MED21: variants seen among roughly 807,000 people sequenced by gnomAD.
MED21 encodes mediator complex subunit 21, also known as mediator of RNA polymerase II transcription subunit 21.
A neutral mutation model predicts 18.2 loss-of-function variants in MED21; 9 were observed. The observed-to-expected ratio is 0.49, with a 90% CI of 0.30 to 0.86. The LOEUF (loss-of-function observed/expected upper bound fraction) is 0.86, where lower values mean the gene tolerates loss of function less well. Ranked by LOEUF, MED21 falls within the 40% of genes least tolerant of loss-of-function variation. The pLI, the probability that MED21 is intolerant of heterozygous loss-of-function variation, is 0.07. For synonymous variants in MED21, 73 were observed against 60.5 expected, an observed-to-expected ratio of 1.21 and a Z score of -0.96; for missense variants, 150 against 170.9, an observed-to-expected ratio of 0.88 and a Z score of 0.68.
chr12:27,024,514 G>C (rs1313254486), intron 1 of MED21, among the ~76,000 whole-genome samples: 2 of 152,154 alleles, frequency 1.3e-5, no homozygotes, highest in African/African-American at 2.4e-5. Context: ...CCTTCCTCAG[G>C]GAACTACTCC....
chr12:27,030,264 G>T lies in MED21; in HGVS notation c.*1803G>T. 2 of 571,094 alleles carry T rather than the reference G, an allele frequency of 3.5e-6. No individual in the cohort carries two copies. Among genetic ancestry groups the T allele is most frequent in the Non-Finnish European group, 6.3e-6 (2 of 315,552 alleles). The allele number at this position is 571,094 out of a possible 1,614,324, so 35.4% of individuals were successfully genotyped here. Reference sequence around the variant, plus strand: ...CCCACTTCAGCCTCTTCAGTAACTGGGACTACAGGCATGTACTACCACGTC... The same window carrying T: ...CCCACTTCAGCCTCTTCAGTAACTGTGACTACAGGCATGTACTACCACGTC... On this transcript the variant is annotated 3_prime_UTR_variant, in exon 4 of 4. Coordinates refer to ENST00000282892, the MANE Select transcript of MED21 (RefSeq NM_004264.5).
At chr12:27,036,574 C>CT (rs1164210180) in intron 2 of MED21, among the ~76,000 whole-genome samples, 1 of 152,082 alleles carries the variant, frequency 6.6e-6, no homozygotes, top group Non-Finnish European at 1.5e-5. Context: ...GGTTTTAGGT[C>CT]TAACGTTTAA....
At chr12:27,026,293 C>A in intron 1 of MED21, 127 bp from the exon 2 acceptor site, 1 of 560,050 alleles carries the variant, frequency 1.8e-6, no homozygotes, top group South Asian at 2.8e-5. Context: ...TCAACAATCA[C>A]TCCTTTCTGT....
rs187423088 is a variant in MED21 at position 27,029,648 on chromosome 12, G to A, written c.*1187G>A. On this transcript the variant is annotated 3_prime_UTR_variant, in exon 4 of 4. Coordinates refer to ENST00000282892, the MANE Select transcript of MED21 (RefSeq NM_004264.5). ...TGTTTCAAATTTCAGGAACACCAGC[G>A]TTAGCTGTAAAAGTTGCAGCAATTT... The A allele has an allele frequency of 5.0e-5, 49 of 985,388 alleles. No homozygotes were observed. In the African/African-American group the frequency reaches 5.9e-4, roughly 12 times the overall value. 61.0% of individuals were successfully genotyped at this position (985,388 alleles called of 1,614,324 possible). A position where few individuals can be genotyped will look rare whatever the true frequency, so the allele number is the denominator to read the frequency against.
At chr12:27,031,839 C>G (rs1941621461), downstream of MED21, among the ~76,000 whole-genome samples, 1 of 152,118 alleles carries the variant, frequency 6.6e-6, no homozygotes, top group South Asian at 2.1e-4. Flanking sequence ...AACCACATCA[C>G]CCTAAAGCCC....
At chr12:27,026,653 T>G in intron 2 of MED21, 119 bp downstream of exon 2, 1 of 767,842 alleles carries the variant, frequency 1.3e-6, no homozygotes, top group Non-Finnish European at 2.1e-6. Flanking sequence ...TGTTTGAGAA[T>G]ATTACAAGTT....
intron 1 of MED21, among the ~76,000 whole-genome samples, chr12:27,023,300 CTT>C (rs71437317): frequency 5.4e-5 from 6 of 110,394 alleles, no homozygotes; most frequent in East Asian, 5.5e-4. Flanking sequence ...TTTTTCTTTT[CTT>C]TTTTTTTTTT....
In MED21 at chr12:27,030,273, G is replaced by T; in HGVS notation, c.*1812G>T. 1 of 548,582 alleles carries T rather than the reference G, an allele frequency of 1.8e-6. No homozygotes were observed. The highest frequency in any genetic ancestry group is 3.3e-6 in the Non-Finnish European group (1 of 304,214). The allele number at this position is 548,582 out of a possible 1,614,324, so 34.0% of individuals were successfully genotyped here. A position where few individuals can be genotyped will look rare whatever the true frequency, so the allele number is the denominator to read the frequency against. On this transcript the variant is annotated 3_prime_UTR_variant, in exon 4 of 4. Coordinates refer to ENST00000282892, the MANE Select transcript of MED21 (RefSeq NM_004264.5). The stretch of plus-strand genomic sequence containing the variant: ...GCCTCTTCAGTAACTGGGACTACAG[G>T]CATGTACTACCACGTCCAGCTAATT...
At chr12:27,035,436 TTTC>T, downstream of MED21, among the ~76,000 whole-genome samples, 1 of 151,894 alleles carries the variant, frequency 6.6e-6, no homozygotes, top group Admixed American at 6.5e-5. Context: ...TGATTTGTTA[TTTC>T]TTTTTTTTTT....
chr12:27,028,749 G>A lies in MED21; in HGVS notation c.*288G>A, dbSNP rs768030401. 3.8e-6 allele frequency: 4 copies of A among 1,048,438 alleles called. No individual in the cohort carries two copies. Among genetic ancestry groups the A allele is most frequent in the Non-Finnish European group, 4.6e-6 (4 of 867,784 alleles). The allele number at this position is 1,048,438 out of a possible 1,614,324, so 64.9% of individuals were successfully genotyped here. On this transcript the variant is annotated 3_prime_UTR_variant, in exon 4 of 4. Transcript: ENST00000282892. ...TATAAGGAAACATATGTAAAATTCT[G>A]TTATGACATAATTTATGTCTCCATT...
In MED21 at chr12:27,029,857, CAAAGAGA is replaced by C. The variant is rs1941595419; in HGVS notation, c.*1401_*1407del. The C allele has an allele frequency of 2.0e-6, 2 of 1,006,032 alleles. No individual in the cohort carries two copies. Among genetic ancestry groups the C allele is most frequent in the Non-Finnish European group, 2.4e-6 (2 of 836,252 alleles). The allele number at this position is 1,006,032 out of a possible 1,614,324, so 62.3% of individuals were successfully genotyped here. On this transcript the variant is annotated 3_prime_UTR_variant, in exon 4 of 4. Transcript: ENST00000282892. ...GTATTATAAAGGAGTCAAAAAGGTA[CAAAGAGA>C]AAAGGTCAAGACATTTTTCAAATGA...
In MED21 at chr12:27,022,842, G is replaced by A. The variant is rs1941490733; in HGVS notation, c.42+221G>A. The stretch of plus-strand genomic sequence containing the variant: ...CGGGAGGGAGCAGACTCTTTCGCTT[G>A]AGGAGACCGGGAAGATCGTTCTTGT... On this transcript the variant is annotated intron_variant, in intron 1 of 3. Transcript: ENST00000282892. The A allele has an allele frequency of 5.5e-6, 8 of 1,465,958 alleles. 1 individual carries two copies. The highest frequency in any genetic ancestry group is 2.0e-4 in the Middle Eastern group (1 of 4,972). 90.8% of individuals were successfully genotyped at this position (1,465,958 alleles called of 1,614,324 possible).
chr12:27,023,326 G>C (rs1159240091), intron 1 of MED21, among the ~76,000 whole-genome samples: 1 of 28,050 alleles, frequency 3.6e-5, no homozygotes, highest in African/African-American at 1.5e-4. Context: ...TTACTTTGGA[G>C]ACAGTGCCTT....
rs1049442670 is a variant in MED21 at position 27,028,862 on chromosome 12, G to A, written c.*401G>A. The A allele has an allele frequency of 1.0e-6, 1 of 987,726 alleles. No individual in the cohort carries two copies. Among genetic ancestry groups the A allele is most frequent in the African/African-American group, 1.7e-5 (1 of 57,302 alleles). The allele number at this position is 987,726 out of a possible 1,614,324, so 61.2% of individuals were successfully genotyped here. A position where few individuals can be genotyped will look rare whatever the true frequency, so the allele number is the denominator to read the frequency against. ...AAGAACAGACATAAGGGACATTTTA[G>A]TTTGGGCTAGTGTCCTGCCTCTTAG... On this transcript the variant is annotated 3_prime_UTR_variant, in exon 4 of 4. Transcript: ENST00000282892.
intron 1 of MED21, among the ~76,000 whole-genome samples, chr12:27,024,567 A>G (rs1941519604): frequency 6.6e-6 from 1 of 152,246 alleles, no homozygotes. Flanking sequence ...GCTGCTGGAT[A>G]GAAATCTTAT....
chr12:27,035,997 C>A (rs982427834), intron 2 of MED21, among the ~76,000 whole-genome samples: 1 of 152,126 alleles, frequency 6.6e-6, no homozygotes, highest in African/African-American at 2.4e-5. Flanking sequence ...AGTTCTAGAT[C>A]CCTGAGGAAT....
At chr12:27,035,215 A>G (rs1941642394), downstream of MED21, among the ~76,000 whole-genome samples, 1 of 152,196 alleles carries the variant, frequency 6.6e-6, no homozygotes, top group South Asian at 2.1e-4. Flanking sequence ...TGTCTCAAAC[A>G]AAATAAAAAC....
At position 27,028,883 on chromosome 12, in the gene MED21, C is replaced by G. The variant is rs1308772921; in HGVS notation, c.*422C>G. 89 of 986,318 alleles carry G rather than the reference C, an allele frequency of 9.0e-5. No homozygotes were observed. Among genetic ancestry groups the G allele is most frequent in the Non-Finnish European group, 1.0e-4 (87 of 830,534 alleles). 61.1% of individuals were successfully genotyped at this position (986,318 alleles called of 1,614,324 possible). A position where few individuals can be genotyped will look rare whatever the true frequency, so the allele number is the denominator to read the frequency against. ...TTTAGTTTGGGCTAGTGTCCTGCCT[C>G]TTAGAGGTGGCATTGTGTAAATCTG... On this transcript the variant is annotated 3_prime_UTR_variant, in exon 4 of 4. Transcript: ENST00000282892.
chr12:27,023,003 T>G, intron 1 of MED21: 1 of 813,710 alleles, frequency 1.2e-6, no homozygotes, highest in Non-Finnish European at 1.6e-6. Flanking sequence ...GCTTTTTTCT[T>G]TCCTCATCAA....
Sources: allele counts gnomAD v4.1 joint callset (sites outside exome capture counted in the v4.1 genomes callset), GRCh38; gene constraint gnomAD v4.1.1; transcripts MANE v1.5; gene names NCBI Gene and HGNC (gene_info 2026-07-23, HGNC 2026-07-21).